Variants in SIPA1L3 observed in about 807,000 individuals in gnomAD.
The protein encoded by SIPA1L3 is signal-induced proliferation-associated 1-like protein 3.
Under a neutral mutation model 150.1 loss-of-function variants are expected in SIPA1L3, and 59 were observed. The observed-to-expected ratio is 0.39, with a 90% confidence interval of 0.32 to 0.49. The LOEUF is 0.49. SIPA1L3 is among the 20% of genes least tolerant of loss of function. SIPA1L3 has a pLI of 0.86. For synonymous variants in SIPA1L3, 1,070 were observed against 1,077.6 expected (o/e 0.99, Z 0.14); for missense variants, 2,211 against 2,489.5 (o/e 0.89, Z 2.38).
chr19:38,093,006 C>T (rs1157078619), intron 4 of SIPA1L3, among the ~76,000 whole-genome samples: 5 of 151,856 alleles, frequency 3.3e-5, no homozygotes, highest in Admixed American at 3.3e-4. Context: ...ACTACAGGCT[C>T]CCACTACCAC....
chr19:38,053,092 G>T (rs1568522220), intron 2 of SIPA1L3, among the ~76,000 whole-genome samples: 1 of 152,244 alleles, frequency 6.6e-6, no homozygotes, highest in Non-Finnish European at 1.5e-5. Context: ...GGCAAGTGTG[G>T]GTGGGAGCTG....
intron 4 of SIPA1L3, among the ~76,000 whole-genome samples, chr19:38,092,889 T>C (rs1970293396): frequency 7.0e-6 from 1 of 143,872 alleles, no homozygotes; most frequent in South Asian, 2.2e-4. Context: ...AGACGGAGTC[T>C]AGCTTTGTTC....
At chr19:37,998,388 C>T (rs1967696073) in intron 1 of SIPA1L3, among the ~76,000 whole-genome samples, 1 of 152,080 alleles carries the variant, frequency 6.6e-6, no homozygotes, top group African/African-American at 2.4e-5. Flanking sequence ...GGTAATGGAA[C>T]CAGCCTAATA....
chr19:37,941,871 AAGCCCTGGTAACCTGGCCAGGGGCG>A (rs2046661949), intron 1 of SIPA1L3, among the ~76,000 whole-genome samples: 1 of 152,218 alleles, frequency 6.6e-6, no homozygotes, highest in East Asian at 1.9e-4. Context: ...TTGCAGAGGC[AAGCCCTGGTAACCTGGCCAGGGGCG>A]AGCCCTGACC....
rs763198564 is a variant in SIPA1L3 at position 38,193,724 on chromosome 19, C to G, written c.4784C>G (p.Pro1595Arg). Residue 1595 changes from proline to arginine, a missense_variant, in exon 18 of 22, where the codon CCG (proline) becomes CGG (arginine). Around this residue, in one of 5 missense-constraint regions of SIPA1L3, gnomAD observed 806 missense variants for 870.1 expected, o/e 0.93. Coordinates refer to ENST00000222345, the MANE Select transcript of SIPA1L3 (RefSeq NM_015073.3). ...PARRQHQHPH[P>R]PVGPGATPAA... is the part of the protein sequence containing the mutation. ...CGCCGCCAGCACCAGCACCCCCACC[C>G]GCCCGTCGGCCCCGGTGCCACCCCT... The G allele has an allele frequency of 7.7e-6, 12 of 1,566,448 alleles. No individual in the cohort carries two copies. In the Admixed American group the frequency reaches 2.2e-4, roughly 28 times the overall value.
intron 4 of SIPA1L3, among the ~76,000 whole-genome samples, chr19:38,099,335 G>GC (rs1970447888): frequency 9.3e-6 from 1 of 107,988 alleles, no homozygotes; most frequent in South Asian, 2.5e-4. Context: ...CCCACGCCTG[G>GC]CCTTTTTTTT....
chr19:38,077,859 C>T (rs527853746), intron 2 of SIPA1L3, among the ~76,000 whole-genome samples: 9 of 151,664 alleles, frequency 5.9e-5, no homozygotes, highest in South Asian at 2.1e-4. Context: ...TTAGTAGAGA[C>T]GGGGTTTCAC....
intron 18 of SIPA1L3, 100 bp downstream of exon 18, chr19:38,193,880 C>T: frequency 7.7e-7 from 1 of 1,304,552 alleles, no homozygotes. Flanking sequence ...GGCTAGAGGT[C>T]ATCAGTGTCG....
chr19:38,137,430 C>T (rs924469522), intron 10 of SIPA1L3, among the ~76,000 whole-genome samples: 2 of 151,826 alleles, frequency 1.3e-5, no homozygotes, highest in African/African-American at 4.8e-5. Flanking sequence ...CTCAGGTGAT[C>T]CACCCGCCTC....
At chr19:37,942,449 C>T in intron 1 of SIPA1L3, among the ~76,000 whole-genome samples, 1 of 149,362 alleles carries the variant, frequency 6.7e-6, no homozygotes, top group East Asian at 2.0e-4. Flanking sequence ...GAAGAGCTTT[C>T]CCAGCAGAGG....
chr19:38,042,955 T>C (rs1968960363), intron 2 of SIPA1L3, among the ~76,000 whole-genome samples: 1 of 152,216 alleles, frequency 6.6e-6, no homozygotes, highest in Non-Finnish European at 1.5e-5. Context: ...CCAAAGCACT[T>C]ACCTTCCTGT....
chr19:38,203,035 G>A (rs556744546), intron 20 of SIPA1L3, among the ~76,000 whole-genome samples: 8 of 152,318 alleles, frequency 5.3e-5, no homozygotes, highest in East Asian at 3.9e-4. Context: ...CACACCTCAC[G>A]GTTCAGGGTT....
intron 13 of SIPA1L3, among the ~76,000 whole-genome samples, chr19:38,159,387 G>T (rs1972022233): frequency 6.6e-6 from 1 of 152,180 alleles, no homozygotes; most frequent in South Asian, 2.1e-4. Context: ...GCGTATGCTT[G>T]GTGTGTGGCC....
intron 1 of SIPA1L3, among the ~76,000 whole-genome samples, chr19:37,962,951 T>A (rs1568481071): frequency 7.4e-6 from 1 of 135,420 alleles, no homozygotes; most frequent in Non-Finnish European, 1.6e-5. Flanking sequence ...GTTTGTCCCC[T>A]TGTGGTATAG....
At chr19:38,071,869 A>G (rs1969730805) in intron 2 of SIPA1L3, among the ~76,000 whole-genome samples, 1 of 152,172 alleles carries the variant, frequency 6.6e-6, no homozygotes, top group African/African-American at 2.4e-5. Flanking sequence ...CTGTCCCAAG[A>G]AGGAACACAT....
chr19:38,022,870 T>C (rs961176685), intron 1 of SIPA1L3, among the ~76,000 whole-genome samples: 1 of 152,146 alleles, frequency 6.6e-6, no homozygotes, highest in Non-Finnish European at 1.5e-5. Flanking sequence ...GGCCTGTCAG[T>C]AGGTGAAGTG....
At chr19:37,926,909 TC>T (rs2145492209) in intron 1 of SIPA1L3, among the ~76,000 whole-genome samples, 1 of 152,046 alleles carries the variant, frequency 6.6e-6, no homozygotes, top group South Asian at 2.1e-4. Context: ...CCTTTAAGCC[TC>T]CCGACAACCC....
At chr19:38,132,114 G>T (rs933058939) in intron 10 of SIPA1L3, among the ~76,000 whole-genome samples, 1 of 151,856 alleles carries the variant, frequency 6.6e-6, no homozygotes, top group Non-Finnish European at 1.5e-5. Context: ...AAACAGTGCA[G>T]TTGTAGCCCC....
At chr19:37,949,107 G>A (rs2046738719) in intron 1 of SIPA1L3, among the ~76,000 whole-genome samples, 1 of 152,216 alleles carries the variant, frequency 6.6e-6, no homozygotes, top group Non-Finnish European at 1.5e-5. Flanking sequence ...TGAGGCCTAG[G>A]ACTTGCACTG....
Sources: gnomAD v4.1 joint callset for allele counts (sites outside exome capture counted in the v4.1 genomes callset) on GRCh38, gnomAD v4.1.1 for gene constraint, gnomAD v4.1.1 regional missense constraint, MANE v1.5 for transcripts, NCBI Gene and HGNC (gene_info 2026-07-23, HGNC 2026-07-21) for gene names.